Variants in INO80C observed in about 807,000 individuals in gnomAD.
INO80C encodes INO80 complex subunit C.
INO80C carries 17 observed loss-of-function variants against 17.7 expected under a neutral mutation model. The ratio of observed to expected loss-of-function variants is 0.96; its 90% CI spans 0.66 to 1.44. The LOEUF (loss-of-function observed/expected upper bound fraction) is 1.44, where lower values mean the gene tolerates loss of function less well. Among genes scored for constraint, INO80C ranks in the 40% most tolerant of loss-of-function variants. INO80C has a pLI of 0.00. For synonymous variants in INO80C, 96 were observed against 95.8 expected (o/e 1.00, Z -0.01); for missense variants, 244 against 245.0 (o/e 1.00, Z 0.03).
At chr18:35,490,719 C>A (rs2045925385) in intron 1 of INO80C, among the ~76,000 whole-genome samples, 1 of 151,680 alleles carries the variant, frequency 6.6e-6, no homozygotes, top group Non-Finnish European at 1.5e-5. Flanking sequence ...TTTTCTTCCA[C>A]TCCAGAGATG....
intron 1 of INO80C, among the ~76,000 whole-genome samples, chr18:35,484,236 G>A (rs985163039): frequency 6.6e-6 from 1 of 152,168 alleles, no homozygotes; most frequent in South Asian, 2.1e-4. Context: ...AAGGGGGAAG[G>A]CCAGAATGAG....
intron 1 of INO80C, among the ~76,000 whole-genome samples, chr18:35,490,213 A>C (rs918687553): frequency 6.6e-6 from 1 of 152,188 alleles, no homozygotes; most frequent in African/African-American, 2.4e-5. Flanking sequence ...AGCCGGTCCA[A>C]GGAGACCCGC....
At chr18:35,472,487 T>C (rs2045682592) in intron 4 of INO80C, among the ~76,000 whole-genome samples, 1 of 152,228 alleles carries the variant, frequency 6.6e-6, no homozygotes, top group Non-Finnish European at 1.5e-5. Flanking sequence ...TCATTGTAGA[T>C]TCTGGATATT....
At position 35,497,722 on chromosome 18, in the gene INO80C, C is replaced by T. The variant is rs1186258097; in HGVS notation, c.153G>A (p.Ala51=). 3 of 1,611,674 alleles carry T rather than the reference C, an allele frequency of 1.9e-6. No homozygotes were observed. The highest frequency in any genetic ancestry group is 2.2e-5 in the East Asian group (1 of 44,644). Residue 51 remains alanine (A), a synonymous_variant, in exon 1 of 5, where the codon GCG becomes GCA. Coordinates refer to ENST00000334598, the MANE Select transcript of INO80C (RefSeq NM_194281.4). ...KKKKASASSF[A]QGISMEAMSE... ...GCCTGGGAGCGCGACTGCGTACCTG[C>T]GCAAAGCTGGAAGCGGACGCTTTTT... is the stretch of plus-strand genomic sequence containing the variant.
chr18:35,471,408 A>G (rs1033344585), intron 4 of INO80C, among the ~76,000 whole-genome samples: 5 of 152,138 alleles, frequency 3.3e-5, no homozygotes, highest in Admixed American at 6.6e-5. Flanking sequence ...ATGTGGCACC[A>G]TGCTGTTTAT....
At chr18:35,493,526 C>T (rs966353324) in intron 1 of INO80C, among the ~76,000 whole-genome samples, 4 of 152,218 alleles carry the variant, frequency 2.6e-5, no homozygotes, top group African/African-American at 9.6e-5. Context: ...TTTTGTACTA[C>T]TAAATTATTT....
intron 1 of INO80C, among the ~76,000 whole-genome samples, chr18:35,490,338 A>T (rs1055015109): frequency 4.6e-5 from 7 of 152,326 alleles, no homozygotes; most frequent in African/African-American, 1.7e-4. Flanking sequence ...CGAGTGGCCT[A>T]AATTAAATTA....
intron 1 of INO80C, among the ~76,000 whole-genome samples, chr18:35,495,631 G>A (rs1217765063): frequency 6.6e-6 from 1 of 152,172 alleles, no homozygotes; most frequent in African/African-American, 2.4e-5. Flanking sequence ...GGTAGTGGAA[G>A]TTGATCAACA....
chr18:35,497,753 T>TA lies in INO80C; in HGVS notation c.121_122insT (p.Lys41IlefsTer21), dbSNP rs2144103015. The TA allele has an allele frequency of 1.9e-6, 3 of 1,612,988 alleles. No individual in the cohort carries two copies. In the East Asian group the frequency reaches 6.7e-5, roughly 36 times the overall value. ...GCTGGAAGCGGACGCTTTTTTCTTC[T>TA]TACTGGCGCCATAGCCCCCGCCGCT... On this transcript the variant is annotated frameshift_variant, in exon 1 of 5. Coordinates refer to ENST00000334598, the MANE Select transcript of INO80C (RefSeq NM_194281.4). LOFTEE classifies it high-confidence loss of function.
intron 4 of INO80C, among the ~76,000 whole-genome samples, chr18:35,470,555 C>T (rs542075726): frequency 1.4e-4 from 21 of 152,256 alleles, no homozygotes; most frequent in East Asian, 1.9e-4. Flanking sequence ...GTGTGTCTGG[C>T]GTGGACCATC....
chr18:35,495,997 T>G (rs1329920614), intron 1 of INO80C, among the ~76,000 whole-genome samples: 1 of 152,148 alleles, frequency 6.6e-6, no homozygotes, highest in Admixed American at 6.5e-5. Flanking sequence ...AGACTGACAA[T>G]GAAAGACTGA....
At chr18:35,472,189 C>T (rs572198997) in intron 4 of INO80C, among the ~76,000 whole-genome samples, 1 of 152,334 alleles carries the variant, frequency 6.6e-6, no homozygotes, top group East Asian at 1.9e-4. Flanking sequence ...CTGTCTTCCA[C>T]AGCAGTTGAA....
intron 4 of INO80C, among the ~76,000 whole-genome samples, chr18:35,475,630 A>G (rs1360824415): frequency 3.9e-5 from 6 of 152,088 alleles, no homozygotes; most frequent in Non-Finnish European, 8.8e-5. Context: ...CCAAGATGGC[A>G]TCACTGCACT....
chr18:35,478,704 C>G (rs1018455370), intron 3 of INO80C, among the ~76,000 whole-genome samples: 1 of 152,136 alleles, frequency 6.6e-6, no homozygotes, highest in African/African-American at 2.4e-5. Flanking sequence ...ATCTGAGCAC[C>G]CTGACACCCT....
At chr18:35,478,161 C>G in intron 4 of INO80C, 121 bp downstream of exon 4, 1 of 737,442 alleles carries the variant, frequency 1.4e-6, no homozygotes, top group South Asian at 1.9e-5. Flanking sequence ...AAACCTATCA[C>G]CTATCACTGT....
chr18:35,497,645 G>A, intron 1 of INO80C, 74 bp downstream of exon 1: 1 of 1,529,138 alleles, frequency 6.5e-7, no homozygotes, highest in East Asian at 2.5e-5. Flanking sequence ...TTACGCACGC[G>A]CCCTGGCTCG....
chr18:35,491,941 G>C (rs546267236), intron 1 of INO80C, among the ~76,000 whole-genome samples: 20 of 152,252 alleles, frequency 1.3e-4, no homozygotes, highest in African/African-American at 3.6e-4. Flanking sequence ...TGCTACTCAG[G>C]AAACACACGC....
chr18:35,485,242 T>C (rs2045859419), intron 1 of INO80C, among the ~76,000 whole-genome samples: 1 of 152,052 alleles, frequency 6.6e-6, no homozygotes, highest in Non-Finnish European at 1.5e-5. Flanking sequence ...CAAAAAATGA[T>C]AGGGGCAAAC....
chr18:35,490,274 T>G (rs1379601125), intron 1 of INO80C, among the ~76,000 whole-genome samples: 1 of 152,124 alleles, frequency 6.6e-6, no homozygotes, highest in Non-Finnish European at 1.5e-5. Context: ...TAACCATTCA[T>G]AGAGTGTGCC....
Sources: gnomAD v4.1 joint callset for allele counts (sites outside exome capture counted in the v4.1 genomes callset) on GRCh38, gnomAD v4.1.1 for gene constraint, MANE v1.5 for transcripts, NCBI Gene and HGNC (gene_info 2026-07-23, HGNC 2026-07-21) for gene names.